The following ASB4 variants were observed in gnomAD, a reference collection of about 807,000 sequenced individuals.
ASB4 encodes ankyrin repeat and SOCS box protein 4.
ASB4 carries 35 observed loss-of-function variants against 38.6 expected under a neutral mutation model. The observed-to-expected ratio is 0.91, with a 90% CI of 0.69 to 1.20. The LOEUF (loss-of-function observed/expected upper bound fraction) is 1.20. Among genes scored for constraint, ASB4 ranks in the 50% most tolerant of loss-of-function variants. The probability of loss-of-function intolerance (pLI) is 0.00; values close to 1 mark genes in which losing one functional copy is unlikely to be tolerated. For synonymous variants in ASB4, 195 were observed against 201.3 expected, an observed-to-expected ratio of 0.97 and a Z score of 0.26; for missense variants, 557 against 527.2, an observed-to-expected ratio of 1.06 and a Z score of -0.55.
intron 1 of ASB4, among the ~76,000 whole-genome samples, chr7:95,489,901 G>A (rs1051250457): frequency 3.9e-5 from 6 of 152,142 alleles, no homozygotes; most frequent in South Asian, 2.1e-4. Context: ...CTGGAAAGAC[G>A]AAGGACTGTC....
intron 2 of ASB4, among the ~76,000 whole-genome samples, chr7:95,519,492 C>G (rs1215848245): frequency 1.3e-5 from 2 of 152,196 alleles, no homozygotes; most frequent in Non-Finnish European, 2.9e-5. Flanking sequence ...TGTTCTTTAT[C>G]TGCACAGAAG....
intron 3 of ASB4, among the ~76,000 whole-genome samples, chr7:95,534,201 C>A (rs1288218081): frequency 6.6e-6 from 1 of 152,050 alleles, no homozygotes; most frequent in East Asian, 1.9e-4. Context: ...AAAAATTAGT[C>A]AGGAGTTGTG....
Position 95,508,078 on chromosome 7 carries a change from T to C in ASB4, c.487+12021T>C, listed in dbSNP as rs574679107. ...TTGAACTTATTTTTTTTTTAGATTT[T>C]AGATGATAGAAACCTGAGCATTTAA... On this transcript the variant is annotated intron_variant, in intron 2 of 4. Coordinates refer to ENST00000325885, the MANE Select transcript of ASB4 (RefSeq NM_016116.3). Among the ~76,000 whole-genome samples, 3 of 152,198 alleles carry C rather than the reference T, an allele frequency of 2.0e-5. No homozygotes were observed. The East Asian group carries it at 5.8e-4, about 29-fold the overall frequency.
At chr7:95,494,161 T>G (rs10264477) in intron 1 of ASB4, among the ~76,000 whole-genome samples, 2,032 of 152,300 alleles carry the variant, frequency 0.013, 48 homozygotes, top group African/African-American at 0.047. Flanking sequence ...GTTTTTCACT[T>G]AAATGAGAGA....
upstream of ASB4, among the ~76,000 whole-genome samples, chr7:95,483,505 A>C (rs777284535): frequency 6.6e-6 from 1 of 152,242 alleles, no homozygotes; most frequent in Non-Finnish European, 1.5e-5. Flanking sequence ...CAGGTTGGAC[A>C]AAATTAAATT....
rs373298545 is a variant in ASB4 at position 95,486,008 on chromosome 7, G to A, written c.37G>A (p.Ala13Thr). Reference protein sequence around the residue: ...GTTAPVTKSGAAKLVKRNFLE... With the variant: ...GTTAPVTKSGTAKLVKRNFLE... ...CACTGCCCCTGTCACTAAATCTGGA[G>A]CTGCCAAGTTAGTTAAGAGAAATTT... The change falls in exon 1 of 5, where the codon GCT becomes ACT. Residue 13 changes from alanine (A) to threonine (T), a missense_variant. Physicochemically the swap from Ala to Thr is moderately conservative, Grantham distance 58. Coordinates refer to ENST00000325885, the MANE Select transcript of ASB4 (RefSeq NM_016116.3). 9.7e-5 allele frequency: 157 copies of A among 1,614,078 alleles called. No homozygotes were observed. The highest frequency in any genetic ancestry group is 1.2e-4 in the Non-Finnish European group (143 of 1,179,968).
At chr7:95,515,316 T>TCTTCCTTC (rs1274522352) in intron 2 of ASB4, among the ~76,000 whole-genome samples, 1,542 of 95,754 alleles carry the variant, frequency 0.016, 40 homozygotes, top group Middle Eastern at 0.024. Context: ...TTTCTTTCTT[T>TCTTCCTTC]CTTCCTTCCT....
Position 95,535,401 on chromosome 7 carries a change from G to T in ASB4, c.979-1036G>T, listed in dbSNP as rs536482343. Among the ~76,000 whole-genome samples, 48 of 152,298 alleles carry T rather than the reference G, an allele frequency of 3.2e-4. 1 individual carries two copies. Among genetic ancestry groups the T allele is most frequent in the South Asian group, 2.1e-4 (1 of 4,820 alleles). On this transcript the variant is annotated intron_variant, in intron 3 of 4. Transcript: ENST00000325885. ...ACACCAAGTGAAAGGGGCTTTAGGA[G>T]GACCCCCTCAGAAAGGTTGATTTAT...
chr7:95,548,181 C>T, the ASB4 span, among the ~76,000 whole-genome samples: 24 of 152,296 alleles, frequency 1.6e-4, no homozygotes, highest in Middle Eastern at 3.4e-3. Flanking sequence ...GCATTTCTAC[C>T]AGCAATATGA....
chr7:95,486,383 G>A (rs1790091712), intron 1 of ASB4, among the ~76,000 whole-genome samples: 1 of 152,048 alleles, frequency 6.6e-6, no homozygotes, highest in Admixed American at 6.5e-5. Flanking sequence ...CTTGGGCCTA[G>A]GACTTGAAAT....
chr7:95,526,114 A>C lies in ASB4; in HGVS notation c.488-1699A>C, dbSNP rs764652033. On this transcript the variant is annotated intron_variant, in intron 2 of 4. Coordinates refer to ENST00000325885, the MANE Select transcript of ASB4 (RefSeq NM_016116.3). ...GTAAAAGAGAGTAAACTACAGAAAA[A>C]TTTTCCTTCAGAAAAGTAATATGAG... Among the ~76,000 whole-genome samples, 102 of 152,264 alleles carry C rather than the reference A, an allele frequency of 6.7e-4. 1 individual carries two copies. The highest frequency in any genetic ancestry group is 1.1e-3 in the Non-Finnish European group (72 of 68,020).
downstream of ASB4, chr7:95,540,360 G>C (rs1019534028): frequency 6.6e-6 from 1 of 152,140 alleles, no homozygotes; most frequent in Non-Finnish European, 1.5e-5. Flanking sequence ...GAGAATCAGG[G>C]ATTGTGCCTG....
At chr7:95,488,204 G>C (rs903144068) in intron 1 of ASB4, among the ~76,000 whole-genome samples, 1 of 152,202 alleles carries the variant, frequency 6.6e-6, no homozygotes, top group Non-Finnish European at 1.5e-5. Flanking sequence ...AGCCAGGCGC[G>C]GTGGCGGCCG....
At chr7:95,546,918 C>T in the ASB4 span, among the ~76,000 whole-genome samples, 1 of 152,138 alleles carries the variant, frequency 6.6e-6, no homozygotes, top group African/African-American at 2.4e-5. Context: ...AAAGTCTTGG[C>T]CTTCATTGGG....
chr7:95,479,227 T>C (rs1325173012), intron 1 of ASB4, among the ~76,000 whole-genome samples: 1 of 152,210 alleles, frequency 6.6e-6, no homozygotes, highest in Non-Finnish European at 1.5e-5. Flanking sequence ...ACGATCCAGG[T>C]GTCTCAGTCT....
intron 2 of ASB4, among the ~76,000 whole-genome samples, chr7:95,524,956 A>G (rs1790717122): frequency 6.6e-6 from 1 of 152,202 alleles, no homozygotes; most frequent in African/African-American, 2.4e-5. Flanking sequence ...TACTTTGCTG[A>G]GAGTCTTTTT....
intron 2 of ASB4, among the ~76,000 whole-genome samples, chr7:95,519,535 G>A (rs1030380891): frequency 2.0e-5 from 3 of 152,174 alleles, no homozygotes; most frequent in Non-Finnish European, 4.4e-5. Flanking sequence ...TTGTACTGAG[G>A]CAGGTGCAGG....
At position 95,527,816 on chromosome 7, in the gene ASB4, C is replaced by G; in HGVS notation, c.491C>G (p.Ala164Gly). 1 of 1,595,938 alleles carries G rather than the reference C, an allele frequency of 6.3e-7. No individual in the cohort carries two copies. The highest frequency in any genetic ancestry group is 1.3e-5 in the African/African-American group (1 of 74,614). Reference protein sequence around the residue: ...LCAKQLVWRGANVNMKTNNQD... With the variant: ...LCAKQLVWRGGNVNMKTNNQD... The stretch of plus-strand genomic sequence containing the variant: ...CTTCCTCAATTTCCCTTTATAGGGG[C>G]GAATGTGAACATGAAGACCAACAAC... Residue 164 changes from alanine to glycine, a missense_variant, in exon 3 of 5, where the codon GCG becomes GGG. Physicochemically the swap from Ala to Gly is moderately conservative, Grantham distance 60. Coordinates refer to ENST00000325885, the MANE Select transcript of ASB4 (RefSeq NM_016116.3).
At chr7:95,547,515 T>C in the ASB4 span, among the ~76,000 whole-genome samples, 7 of 152,210 alleles carry the variant, frequency 4.6e-5, no homozygotes, top group Non-Finnish European at 8.8e-5. Context: ...CCTGTGAATA[T>C]ACCAAAATAA....
Sources: allele counts gnomAD v4.1 joint callset (sites outside exome capture counted in the v4.1 genomes callset), GRCh38; gene constraint gnomAD v4.1.1; transcripts MANE v1.5; gene names NCBI Gene and HGNC (gene_info 2026-07-23, HGNC 2026-07-21).